RORA: variants seen among roughly 807,000 people sequenced by gnomAD.
The protein encoded by RORA is nuclear receptor ROR-alpha.
Under a neutral mutation model 69.5 loss-of-function variants are expected in RORA, and 7 were observed. That is an observed-to-expected ratio of 0.10 (90% confidence interval 0.06 to 0.19). The LOEUF is 0.19. Ranked by LOEUF, RORA falls within the 10% of genes least tolerant of loss-of-function variation. The probability of loss-of-function intolerance (pLI) is 1.00; values close to 1 mark genes in which losing one functional copy is unlikely to be tolerated. For synonymous variants in RORA, 261 were observed against 240.8 expected, an observed-to-expected ratio of 1.08 and a Z score of -0.78; for missense variants, 457 against 663.0, an observed-to-expected ratio of 0.69 and a Z score of 3.41.
chr15:60,946,315 C>T (rs190311550), intron 1 of RORA, among the ~76,000 whole-genome samples: 3 of 152,144 alleles, frequency 2.0e-5, no homozygotes, highest in South Asian at 4.1e-4. Context: ...CCTCTGATGA[C>T]GAGCCGAAGC....
rs1392448742 is a variant in RORA, at chr15:60,496,297, A to ATAAT, written c.*1154_*1157dup. 1 of 152,222 alleles carries ATAAT rather than the reference A, an allele frequency of 6.6e-6. No homozygotes were observed. The highest frequency in any genetic ancestry group is 1.5e-5 in the Non-Finnish European group (1 of 68,042). 9.4% of individuals were successfully genotyped at this position (152,222 alleles called of 1,614,324 possible). ...AGGATATAATCTTTGGGTCCTTCTTATAATAAAAGCTAGATTCCAATAAAT... is the reference window on the plus strand; with the variant it reads ...AGGATATAATCTTTGGGTCCTTCTTATAATTAATAAAAGCTAGATTCCAATAAAT... On this transcript the variant is annotated 3_prime_UTR_variant, in exon 11 of 11. Coordinates refer to ENST00000335670, the MANE Select transcript of RORA (RefSeq NM_134261.3). The surrounding 1 kb of genome is among the most constrained non-coding windows in gnomAD (Gnocchi z 4.5).
chr15:60,746,928 T>C (rs2071656967), intron 1 of RORA, among the ~76,000 whole-genome samples: 1 of 152,190 alleles, frequency 6.6e-6, no homozygotes, highest in African/African-American at 2.4e-5. Context: ...CATATCAAAT[T>C]ACTCTGAATA....
At chr15:61,166,587 A>C (rs547210795) in intron 1 of RORA, among the ~76,000 whole-genome samples, 1 of 152,168 alleles carries the variant, frequency 6.6e-6, no homozygotes, top group South Asian at 2.1e-4. Context: ...TGAATCTCAC[A>C]GCAGCATGAT....
chr15:61,222,903 A>G (rs572890097), intron 1 of RORA, among the ~76,000 whole-genome samples: 22 of 152,318 alleles, frequency 1.4e-4, no homozygotes, highest in Admixed American at 1.4e-3. Context: ...CAATATATCT[A>G]TGTAAGAGTT....
At chr15:61,007,487 T>A (rs909580763) in intron 1 of RORA, among the ~76,000 whole-genome samples, 1 of 152,146 alleles carries the variant, frequency 6.6e-6, no homozygotes, top group South Asian at 2.1e-4. Context: ...TATTTAATAA[T>A]TGTTTATTGA....
intron 1 of RORA, among the ~76,000 whole-genome samples, chr15:60,893,864 G>C (rs1281162296): frequency 1.3e-5 from 2 of 152,160 alleles, no homozygotes; most frequent in Non-Finnish European, 2.9e-5. Flanking sequence ...CTAAAAGTCA[G>C]ACATGCTAAT....
intron 1 of RORA, among the ~76,000 whole-genome samples, chr15:60,979,268 CTT>C (rs767729204): frequency 3.1e-5 from 2 of 64,258 alleles, no homozygotes; most frequent in African/African-American, 1.1e-4. Context: ...CTAGCCCTTG[CTT>C]TTTTTTTTTT....
At chr15:60,546,698 TC>T (rs1408632159) in intron 2 of RORA, among the ~76,000 whole-genome samples, 1 of 152,204 alleles carries the variant, frequency 6.6e-6, no homozygotes, top group Non-Finnish European at 1.5e-5. Flanking sequence ...CACACCCTTG[TC>T]CTCAACCCGA....
intron 2 of RORA, among the ~76,000 whole-genome samples, chr15:60,573,164 C>T (rs921996790): frequency 6.6e-6 from 1 of 152,228 alleles, no homozygotes; most frequent in Admixed American, 6.5e-5. Context: ...GGCCCTACTT[C>T]TGTAAGCAGC....
intron 1 of RORA, among the ~76,000 whole-genome samples, chr15:61,096,982 C>G (rs992546886): frequency 6.6e-6 from 1 of 152,140 alleles, no homozygotes; most frequent in Middle Eastern, 3.4e-3. Flanking sequence ...GCAATGGATA[C>G]AAAAAATAAA....
At chr15:60,609,824 C>T (rs568014587) in intron 2 of RORA, among the ~76,000 whole-genome samples, 1 of 152,164 alleles carries the variant, frequency 6.6e-6, no homozygotes, top group Non-Finnish European at 1.5e-5. Context: ...ATGGCCTCTT[C>T]TTCAGAAGGC....
At chr15:60,731,820 C>G (rs1318534991) in intron 1 of RORA, among the ~76,000 whole-genome samples, 2 of 152,200 alleles carry the variant, frequency 1.3e-5, no homozygotes, top group Non-Finnish European at 2.9e-5. Context: ...TTATTAGCAG[C>G]CATGAGTTTG....
intron 1 of RORA, among the ~76,000 whole-genome samples, chr15:61,070,016 A>AT (rs1233192355): frequency 3.9e-5 from 6 of 151,918 alleles, no homozygotes; most frequent in Non-Finnish European, 7.4e-5. Flanking sequence ...AAGTATGTTT[A>AT]TTTTTTCTTC....
rs2065012055 is a variant in RORA, at chr15:60,489,760, T to C, written c.*7695A>G. 1 of 152,130 alleles carries C rather than the reference T, an allele frequency of 6.6e-6. No homozygotes were observed. The allele number at this position is 152,130 out of a possible 1,614,324, so 9.4% of individuals were successfully genotyped here. On this transcript the variant is annotated 3_prime_UTR_variant, in exon 11 of 11. Coordinates refer to ENST00000335670, the MANE Select transcript of RORA (RefSeq NM_134261.3). ...AAAGGTTTATTCTGCCATCAAGCCA[T>C]CTAGGATATTTTATGTAAATGCCCA...
At chr15:60,777,394 T>C (rs1013679611) in intron 1 of RORA, among the ~76,000 whole-genome samples, 2 of 152,204 alleles carry the variant, frequency 1.3e-5, no homozygotes, top group African/African-American at 4.8e-5. Context: ...TAAATCTGTG[T>C]GACCTTAGGC....
intron 1 of RORA, among the ~76,000 whole-genome samples, chr15:60,811,783 C>A (rs1300120780): frequency 6.6e-6 from 1 of 151,102 alleles, no homozygotes; most frequent in African/African-American, 2.5e-5. Context: ...TAATCTGTAC[C>A]TTTCAAATAC....
At chr15:60,741,077 G>A (rs1056309184) in intron 1 of RORA, among the ~76,000 whole-genome samples, 3 of 152,236 alleles carry the variant, frequency 2.0e-5, no homozygotes, top group Admixed American at 6.5e-5. Context: ...CATGCTCCAA[G>A]TCAGTGATAA....
At chr15:60,605,791 A>T (rs1028640898) in intron 2 of RORA, among the ~76,000 whole-genome samples, 2 of 152,242 alleles carry the variant, frequency 1.3e-5, no homozygotes, top group South Asian at 2.1e-4. Context: ...ACTTACATTT[A>T]TATTAACTTT....
At chr15:60,748,333 A>C (rs1003304929) in intron 1 of RORA, among the ~76,000 whole-genome samples, 5 of 150,704 alleles carry the variant, frequency 3.3e-5, no homozygotes, top group Non-Finnish European at 7.4e-5. Context: ...AAACACACAC[A>C]CATAAGGAGA....
Sources: allele counts gnomAD v4.1 joint callset (sites outside exome capture counted in the v4.1 genomes callset), GRCh38; gene constraint gnomAD v4.1.1; non-coding constraint Gnocchi (gnomAD v3.1); transcripts MANE v1.5; gene names NCBI Gene and HGNC (gene_info 2026-07-23, HGNC 2026-07-21).